MAST2: variants seen among roughly 807,000 people sequenced by gnomAD.
MAST2 encodes the protein microtubule associated serine/threonine kinase 2.
In MAST2, 70 loss-of-function variants were observed where a neutral mutation model predicts 147.4. That is an observed-to-expected ratio of 0.47 (90% CI 0.39 to 0.58). MAST2 has a LOEUF of 0.58. Ranked by LOEUF, MAST2 falls within the 20% of genes least tolerant of loss-of-function variation. The pLI, the probability that MAST2 is intolerant of heterozygous loss-of-function variation, is 0.00. For synonymous variants in MAST2, 869 were observed against 896.8 expected (o/e 0.97, Z 0.55); for missense variants, 2,080 against 2,302.3 (o/e 0.90, Z 1.98).
chr1:45,933,783 AC>A (rs1655752655), intron 4 of MAST2, among the ~76,000 whole-genome samples: 1 of 151,232 alleles, frequency 6.6e-6, no homozygotes, highest in South Asian at 2.1e-4. Context: ...GAGAACTCTG[AC>A]CCCCCATTAC....
At chr1:45,956,234 G>T (rs1271358727) in intron 4 of MAST2, among the ~76,000 whole-genome samples, 1 of 152,056 alleles carries the variant, frequency 6.6e-6, no homozygotes, top group African/African-American at 2.4e-5. Context: ...TCTCCCAATG[G>T]ATAGATGTTT....
In MAST2 at chr1:46,008,329, A is replaced by C. The variant is rs201295123; in HGVS notation, c.936A>C (p.Glu312Asp). Reference sequence around the variant, plus strand: ...GATCCCCAGTATCCTTTGACAGTGAAATAATAATGATGAATCATGTTTACA... The same window carrying C: ...GATCCCCAGTATCCTTTGACAGTGACATAATAATGATGAATCATGTTTACA... ...PGRSPVSFDS[E>D]IIMMNHVYKE... The change falls in exon 9 of 29, where the codon GAA becomes GAC. Residue 312 changes from glutamate (E) to aspartate (D), a missense_variant. Around this residue, in one of 4 missense-constraint regions of MAST2, gnomAD observed 569 missense variants for 642.5 expected, o/e 0.89. Transcript: ENST00000361297. 156 of 1,612,806 alleles carry C rather than the reference A, an allele frequency of 9.7e-5. No individual in the cohort carries two copies. The highest frequency in any genetic ancestry group is 1.9e-5 in the Non-Finnish European group (22 of 1,178,770).
At chr1:45,826,859 T>C (rs1383483780) in intron 2 of MAST2, among the ~76,000 whole-genome samples, 5 of 152,122 alleles carry the variant, frequency 3.3e-5, no homozygotes, top group Non-Finnish European at 5.9e-5. Context: ...TGACGGAGTC[T>C]TACTCTGTCA....
At chr1:45,858,400 A>C (rs1309583952) in intron 3 of MAST2, among the ~76,000 whole-genome samples, 4 of 152,120 alleles carry the variant, frequency 2.6e-5, no homozygotes, top group Admixed American at 6.5e-5. Context: ...TGTTGGCTGC[A>C]TAAATGTCTT....
chr1:45,939,980 G>GATTTTTT, intron 4 of MAST2, among the ~76,000 whole-genome samples: 1 of 97,286 alleles, frequency 1.0e-5, no homozygotes, highest in Non-Finnish European at 2.0e-5. Flanking sequence ...TTTATTTAGG[G>GATTTTTT]TTTTTTTTTT....
chr1:45,846,070 G>A (rs990154504), intron 3 of MAST2, among the ~76,000 whole-genome samples: 8 of 151,980 alleles, frequency 5.3e-5, no homozygotes, highest in Non-Finnish European at 7.4e-5. Context: ...TCTTTATCCC[G>A]TTTCAAAAGA....
chr1:45,979,015 T>G (rs1032920942), intron 5 of MAST2, among the ~76,000 whole-genome samples: 4 of 152,156 alleles, frequency 2.6e-5, no homozygotes. Context: ...TACATGAAAG[T>G]TATATCTCAC....
At position 46,006,439 on chromosome 1, in the gene MAST2, A is replaced by G. The variant is rs751013538; in HGVS notation, c.902+44A>G. On this transcript the variant is annotated intron_variant, in intron 8 of 28. Transcript: ENST00000361297. ...CACTGTTCCAGTGCATGTGGATTTC[A>G]GCTTGTTTGCATAACACAGAGGTGG... 21 of 1,584,426 alleles carry G rather than the reference A, an allele frequency of 1.3e-5. No individual in the cohort carries two copies. The Admixed American group carries it at 3.1e-4, about 24-fold the overall frequency.
intron 3 of MAST2, among the ~76,000 whole-genome samples, chr1:45,870,544 CT>C (rs1646342469): frequency 6.7e-6 from 1 of 149,270 alleles, no homozygotes; most frequent in Non-Finnish European, 1.5e-5. Flanking sequence ...AATTTTTGTT[CT>C]TTTAAACCTT....
At chr1:45,946,862 G>A (rs957141106) in intron 4 of MAST2, among the ~76,000 whole-genome samples, 2 of 152,144 alleles carry the variant, frequency 1.3e-5, no homozygotes, top group African/African-American at 4.8e-5. Context: ...CTCTGTCATA[G>A]CAGACCTGCT....
rs764145841 is a variant in MAST2, at chr1:46,031,406, G to A, written c.3008G>A (p.Gly1003Asp). The A allele has an allele frequency of 5.0e-6, 8 of 1,613,090 alleles. No individual in the cohort carries two copies. Among genetic ancestry groups the A allele is most frequent in the Middle Eastern group, 3.3e-4 (2 of 6,056 alleles). The change falls in exon 24 of 29, where the codon GGC becomes GAC. Residue 1003 changes from glycine (G) to aspartate (D), a missense_variant. Around this residue, in one of 4 missense-constraint regions of MAST2, gnomAD observed 1,278 missense variants for 1,304.2 expected, o/e 0.98. Coordinates refer to ENST00000361297, the MANE Select transcript of MAST2 (RefSeq NM_015112.3). The surrounding 1 kb of genome is among the most constrained non-coding windows in gnomAD (Gnocchi z 4.1). The part of the protein sequence containing the change: ...SGSSPAMETR[G>D]RGTSQLAEGA... ...GGGCCTACAGCTATGGAGACCCGAG[G>A]CCGTGGGACCTCACAGCTGGCTGAG...
At chr1:46,003,383 C>T (rs370776528) in intron 7 of MAST2, among the ~76,000 whole-genome samples, 1 of 152,090 alleles carries the variant, frequency 6.6e-6, no homozygotes, top group Non-Finnish European at 1.5e-5. Flanking sequence ...GTCTCTAAAA[C>T]GTTTATTTCT....
intron 1 of MAST2, among the ~76,000 whole-genome samples, chr1:45,817,023 C>T (rs778441578): frequency 1.3e-5 from 2 of 152,180 alleles, no homozygotes; most frequent in East Asian, 1.9e-4. Flanking sequence ...TTTGAAAATA[C>T]ACAGCCAGAG....
chr1:45,861,986 A>G (rs1220240403), intron 3 of MAST2, among the ~76,000 whole-genome samples: 2 of 152,184 alleles, frequency 1.3e-5, no homozygotes, highest in Non-Finnish European at 2.9e-5. Context: ...CTTTAATAGC[A>G]TTTGCAGTCT....
Position 46,030,655 on chromosome 1 carries a change from C to G in MAST2, c.2602C>G (p.Pro868Ala), listed in dbSNP as rs1422556398. Residue 868 changes from proline to alanine, a missense_variant, in exon 22 of 29, where the codon CCA (proline) becomes GCA (alanine). Physicochemically the swap from Pro to Ala is conservative, Grantham distance 27. Coordinates refer to ENST00000361297, the MANE Select transcript of MAST2 (RefSeq NM_015112.3). Reference sequence around the variant, plus strand: ...CTCACTGCTCGAGGAGCGCCGGACACCACCCCCGACCAAGCGCAGCCTGAG... The same window carrying G: ...CTCACTGCTCGAGGAGCGCCGGACAGCACCCCCGACCAAGCGCAGCCTGAG... ...RLSLLEERRT[P>A]PPTKRSLSEE... 6.2e-7 allele frequency: 1 copy of G among 1,611,596 alleles called. No individual in the cohort carries two copies. The highest frequency in any genetic ancestry group is 8.5e-7 in the Non-Finnish European group (1 of 1,179,292).
chr1:45,929,565 C>G (rs1220052363), intron 4 of MAST2, among the ~76,000 whole-genome samples: 3 of 152,196 alleles, frequency 2.0e-5, no homozygotes, highest in African/African-American at 7.2e-5. Context: ...ATCTAGAAGG[C>G]AGCAGCTTTT....
chr1:45,906,060 T>A (rs1400338092), intron 4 of MAST2, among the ~76,000 whole-genome samples: 1 of 152,228 alleles, frequency 6.6e-6, no homozygotes. Context: ...GAATATGTTT[T>A]TCCTGTCCTT....
At chr1:45,923,340 A>T (rs1290806063) in intron 4 of MAST2, among the ~76,000 whole-genome samples, 1 of 152,242 alleles carries the variant, frequency 6.6e-6, no homozygotes, top group Admixed American at 6.5e-5. Flanking sequence ...CATGGCAGTG[A>T]CTGCTTCATG....
intron 5 of MAST2, among the ~76,000 whole-genome samples, chr1:45,979,768 T>G (rs1644324302): frequency 6.6e-6 from 1 of 152,016 alleles, no homozygotes; most frequent in South Asian, 2.1e-4. Flanking sequence ...CCAGGAGTTT[T>G]GAGGCTGCAA....
Sources: gnomAD v4.1 joint callset for allele counts (sites outside exome capture counted in the v4.1 genomes callset) on GRCh38, gnomAD v4.1.1 for gene constraint, gnomAD v4.1.1 regional missense constraint, Gnocchi (gnomAD v3.1) non-coding constraint, MANE v1.5 for transcripts, NCBI Gene and HGNC (gene_info 2026-07-23, HGNC 2026-07-21) for gene names.